Variants in COL23A1 observed in about 807,000 individuals in gnomAD.
COL23A1 encodes the protein collagen alpha-1(XXIII) chain.
A neutral mutation model predicts 99.3 loss-of-function variants in COL23A1; 97 were observed. The observed-to-expected ratio is 0.98, with a 90% CI of 0.83 to 1.16. The LOEUF is 1.16. COL23A1 is among the 50% of genes most tolerant of loss of function. The pLI is 0.00. For missense variants in COL23A1, 762 were observed against 757.4 expected, an observed-to-expected ratio of 1.01 and a Z score of -0.07; for synonymous variants, 320 against 308.2, an observed-to-expected ratio of 1.04 and a Z score of -0.40.
intron 2 of COL23A1, among the ~76,000 whole-genome samples, chr5:178,525,674 CCCGAAGG>C (rs1760261980): frequency 8.2e-6 from 1 of 121,938 alleles, no homozygotes; most frequent in African/African-American, 3.1e-5. Context: ...GACCCCAGGA[CCCGAAGG>C]CTAAGCTCAC....
intron 2 of COL23A1, among the ~76,000 whole-genome samples, chr5:178,513,636 T>C (rs969944628): frequency 1.3e-5 from 2 of 151,988 alleles, no homozygotes; most frequent in Non-Finnish European, 2.9e-5. Context: ...TTTTTCCTGC[T>C]GTAATTGAGG....
At chr5:178,517,557 G>GTT (rs35787274) in intron 2 of COL23A1, among the ~76,000 whole-genome samples, 2,479 of 84,776 alleles carry the variant, frequency 0.029, 391 homozygotes, top group Admixed American at 0.036. Flanking sequence ...GGTGACAGCA[G>GTT]TTTTTTTTTT....
intron 2 of COL23A1, among the ~76,000 whole-genome samples, chr5:178,380,745 G>C (rs188333277): frequency 0.019 from 2,904 of 152,294 alleles, 99 homozygotes; most frequent in African/African-American, 0.066. Context: ...CCAATGTCGG[G>C]ACCAGCCGCA....
chr5:178,343,548 G>T (rs1334343288), intron 2 of COL23A1, among the ~76,000 whole-genome samples: 1 of 151,974 alleles, frequency 6.6e-6, no homozygotes, highest in Non-Finnish European at 1.5e-5. Flanking sequence ...AAGAGGAAGG[G>T]GTGTGGATGG....
intron 3 of COL23A1, among the ~76,000 whole-genome samples, chr5:178,303,618 C>G (rs947635697): frequency 6.6e-6 from 1 of 152,224 alleles, no homozygotes; most frequent in Admixed American, 6.5e-5. Context: ...CGAAGGCTAG[C>G]AGCTGCGGAG....
In COL23A1 at chr5:178,387,174, G is replaced by A. The variant is rs149830428; in HGVS notation, c.362-80255C>T. On this transcript the variant is annotated intron_variant, in intron 2 of 28. Coordinates refer to ENST00000390654, the MANE Select transcript of COL23A1 (RefSeq NM_173465.4). This position sits in a 1 kb window ranked among gnomAD's most constrained non-coding sequence, Gnocchi z 4.7. ...CTTTCATTTTACCCATCCTGGTGCTGACAGCTCACAGCAACCCTGCCCGAG... is the reference window on the plus strand; with the variant it reads ...CTTTCATTTTACCCATCCTGGTGCTAACAGCTCACAGCAACCCTGCCCGAG... Among the ~76,000 whole-genome samples the A allele has an allele frequency of 2.8e-3, 424 of 152,128 alleles. 2 individuals are homozygous for A. Among genetic ancestry groups the A allele is most frequent in the African/African-American group, 9.7e-3 (404 of 41,500 alleles).
rs182437161 is a variant in COL23A1 at position 178,427,755 on chromosome 5, C to T, written c.362-120836G>A. On this transcript the variant is annotated intron_variant, in intron 2 of 28. Coordinates refer to ENST00000390654, the MANE Select transcript of COL23A1 (RefSeq NM_173465.4). ...CAGCTAGATGACATTCTGGGAAAGG[C>T]AAAACTATGGAGATGGTGAAAAGAT... Among the ~76,000 whole-genome samples the T allele has an allele frequency of 6.6e-5, 10 of 151,466 alleles. No individual in the cohort carries two copies. In the South Asian group the frequency reaches 1.0e-3, roughly 16 times the overall value.
At chr5:178,560,785 A>C (rs1762522360) in intron 1 of COL23A1, 37 bp from the exon 2 acceptor site, 2 of 1,578,740 alleles carry the variant, frequency 1.3e-6, no homozygotes, top group Admixed American at 1.9e-5. Context: ...AAACGAGGAG[A>C]GAATGAGTTT....
intron 2 of COL23A1, among the ~76,000 whole-genome samples, chr5:178,491,041 G>A (rs1757904826): frequency 1.3e-5 from 2 of 151,780 alleles, no homozygotes; most frequent in East Asian, 3.9e-4. Context: ...AGCTAAGAGA[G>A]AAGAGAGAGG....
intron 1 of COL23A1, among the ~76,000 whole-genome samples, chr5:178,573,785 T>C (rs977243890): frequency 6.6e-6 from 1 of 152,058 alleles, no homozygotes; most frequent in Non-Finnish European, 1.5e-5. Flanking sequence ...TGCAAATACA[T>C]GAATAAATCT....
chr5:178,534,703 C>T (rs576305995), intron 2 of COL23A1, among the ~76,000 whole-genome samples: 2 of 152,120 alleles, frequency 1.3e-5, no homozygotes, highest in East Asian at 2.0e-4. Flanking sequence ...CGCTTGAACC[C>T]GGGAGGCGGA....
At chr5:178,515,791 C>T (rs1045988941) in intron 2 of COL23A1, among the ~76,000 whole-genome samples, 1 of 152,128 alleles carries the variant, frequency 6.6e-6, no homozygotes, top group East Asian at 1.9e-4. Flanking sequence ...TCCTCCACAG[C>T]CCACTCGCCT....
chr5:178,265,408 G>T (rs2127557270), intron 8 of COL23A1, among the ~76,000 whole-genome samples: 1 of 152,308 alleles, frequency 6.6e-6, no homozygotes, highest in South Asian at 2.1e-4. Flanking sequence ...CACCCCCTTA[G>T]CTCCCTGCTG....
At chr5:178,426,864 G>C (rs1318913225) in intron 2 of COL23A1, among the ~76,000 whole-genome samples, 1 of 152,188 alleles carries the variant, frequency 6.6e-6, no homozygotes, top group East Asian at 1.9e-4. Flanking sequence ...GCATACGAGA[G>C]ACGCTGCCCA....
At position 178,384,593 on chromosome 5, in the gene COL23A1, T is replaced by C. The variant is rs544569081; in HGVS notation, c.362-77674A>G. 1.8e-4 allele frequency among the ~76,000 whole-genome samples: 27 copies of C among 152,268 alleles called. No homozygotes were observed. The highest frequency in any genetic ancestry group is 5.2e-4 in the Admixed American group (8 of 15,298). ...CCTGCTCCTGCGCTGATTCTGCTCC[T>C]GCCTCAGAGATCACGGTTTGACATG... On this transcript the variant is annotated intron_variant, in intron 2 of 28. Coordinates refer to ENST00000390654, the MANE Select transcript of COL23A1 (RefSeq NM_173465.4). This position sits in a 1 kb window ranked among gnomAD's most constrained non-coding sequence, Gnocchi z 5.5.
In COL23A1 at chr5:178,468,051, C is replaced by G. The variant is rs918627798; in HGVS notation, c.361+92631G>C. Among the ~76,000 whole-genome samples the G allele has an allele frequency of 6.6e-6, 1 of 152,166 alleles. No homozygotes were observed. The highest frequency in any genetic ancestry group is 1.5e-5 in the Non-Finnish European group (1 of 68,032). The stretch of plus-strand genomic sequence containing the variant: ...CGTATTTAATATCCCACCCACGCAT[C>G]ACCTAACAGCCTCTGGGGCGGTGTG... On this transcript the variant is annotated intron_variant, in intron 2 of 28. Transcript: ENST00000390654. The surrounding 1 kb of genome is among the most constrained non-coding windows in gnomAD (Gnocchi z 4.2).
chr5:178,546,131 GTCCCC>G (rs1305478447), intron 2 of COL23A1, among the ~76,000 whole-genome samples: 1 of 151,798 alleles, frequency 6.6e-6, no homozygotes, highest in Non-Finnish European at 1.5e-5. Context: ...TGGCCACAGG[GTCCCC>G]ACCTGGCCAG....
intron 5 of COL23A1, 104 bp from the exon 6 acceptor site, chr5:178,270,467 T>C (rs2127563866): frequency 1.4e-6 from 2 of 1,404,044 alleles, no homozygotes; most frequent in South Asian, 2.4e-5. Flanking sequence ...ACAAAGCCTG[T>C]GGGAGCCCCG....
Position 178,560,708 on chromosome 5 carries a change from G to A in COL23A1, c.335C>T (p.Ala112Val), listed in dbSNP as rs772776853. 1 of 1,612,998 alleles carries A rather than the reference G, an allele frequency of 6.2e-7. No individual in the cohort carries two copies. The highest frequency in any genetic ancestry group is 8.5e-7 in the Non-Finnish European group (1 of 1,179,804). The change falls in exon 2 of 29, where the codon GCT (alanine) becomes GTT (valine). Residue 112 changes from alanine to valine, a missense_variant. Ala to Val is a moderately conservative substitution (Grantham distance 64). Coordinates refer to ENST00000390654, the MANE Select transcript of COL23A1 (RefSeq NM_173465.4). The stretch of plus-strand genomic sequence containing the variant: ...TGGGGGGCAGACACATTCGGATGGA[G>A]CTTCCCGAGCAGTCCGGATCTTCGC... ...GLAKIRTAREAPSECVCPPGP... is the reference protein window; with the variant it reads ...GLAKIRTAREVPSECVCPPGP...
Sources: allele counts gnomAD v4.1 joint callset (sites outside exome capture counted in the v4.1 genomes callset), GRCh38; gene constraint gnomAD v4.1.1; non-coding constraint Gnocchi (gnomAD v3.1); transcripts MANE v1.5; gene names NCBI Gene and HGNC (gene_info 2026-07-23, HGNC 2026-07-21).